Variants in HNRNPUL1 observed in about 807,000 individuals in gnomAD.
HNRNPUL1 encodes the protein heterogeneous nuclear ribonucleoprotein U-like protein 1.
HNRNPUL1 carries 14 observed loss-of-function variants against 108.5 expected under a neutral mutation model. The observed-to-expected ratio is 0.13, with a 90% confidence interval of 0.09 to 0.20. The LOEUF is 0.20. Among genes scored for constraint, HNRNPUL1 ranks in the 10% least tolerant of loss-of-function variants. HNRNPUL1 has a pLI of 1.00. For synonymous variants in HNRNPUL1, 422 were observed against 445.2 expected (o/e 0.95, Z 0.66); for missense variants, 804 against 1,168.3 (o/e 0.69, Z 4.55).
intron 4 of HNRNPUL1, among the ~76,000 whole-genome samples, chr19:41,275,788 G>A (rs892799183): frequency 6.6e-6 from 1 of 152,152 alleles, no homozygotes; most frequent in Non-Finnish European, 1.5e-5. Flanking sequence ...CCCTCTGCCT[G>A]CTTCTTTCTT....
At position 41,279,184 on chromosome 19, in the gene HNRNPUL1, G is replaced by C; in HGVS notation, c.886+8G>C. ...CCTGCAGCACCCAGCTAGGTAAGGAGGGGTCAGCTATGCAGTCCAGAGAAT... is the reference window on the plus strand; with the variant it reads ...CCTGCAGCACCCAGCTAGGTAAGGACGGGTCAGCTATGCAGTCCAGAGAAT... On this transcript the variant is annotated splice_region_variant and intron_variant, in intron 6 of 14. Transcript: ENST00000392006. 1 of 1,593,676 alleles carries C rather than the reference G, an allele frequency of 6.3e-7. No individual in the cohort carries two copies. The highest frequency in any genetic ancestry group is 8.6e-7 in the Non-Finnish European group (1 of 1,163,236).
chr19:41,271,899 C>G (rs2035262660), intron 2 of HNRNPUL1, among the ~76,000 whole-genome samples, 183 bp from the exon 3 acceptor site: 1 of 152,178 alleles, frequency 6.6e-6, no homozygotes, highest in Admixed American at 6.5e-5. Context: ...TAACCCTGTT[C>G]TCCAGTATGG....
rs2037511116 is a variant in HNRNPUL1 at position 41,305,821 on chromosome 19, C to G, written c.2408C>G (p.Pro803Arg). 6.2e-7 allele frequency: 1 copy of G among 1,610,582 alleles called. No homozygotes were observed. The highest frequency in any genetic ancestry group is 8.5e-7 in the Non-Finnish European group (1 of 1,177,770). The change falls in exon 14 of 15, where the codon CCC becomes CGC. Residue 803 changes from proline (P) to arginine (R), a missense_variant. Pro to Arg is a moderately radical substitution (Grantham distance 103, BLOSUM62 -2). Transcript: ENST00000392006. ...NPAPYTPPPPPTAQTYPQPSY... is the reference protein window; with the variant it reads ...NPAPYTPPPPRTAQTYPQPSY... Reference sequence around the variant, plus strand: ...GCCCCCTATACCCCACCGCCACCCCCCACTGCACAGACCTACCCTCAGCCC... The same window carrying G: ...GCCCCCTATACCCCACCGCCACCCCGCACTGCACAGACCTACCCTCAGCCC...
At chr19:41,304,852 A>G (rs919842383) in intron 13 of HNRNPUL1, among the ~76,000 whole-genome samples, 2 of 152,152 alleles carry the variant, frequency 1.3e-5, no homozygotes, top group Non-Finnish European at 2.9e-5. Flanking sequence ...CGGGCCTGGA[A>G]TCAGCTGCCA....
Position 41,292,582 on chromosome 19 carries a change from A to G in HNRNPUL1, c.1266+71A>G. ...AGAGGAGACACACACACACACACACACACAGACTTGCTGCGAGAGTAGCCT... is the reference window on the plus strand; with the variant it reads ...AGAGGAGACACACACACACACACACGCACAGACTTGCTGCGAGAGTAGCCT... On this transcript the variant is annotated intron_variant, in intron 8 of 14. Coordinates refer to ENST00000392006, the MANE Select transcript of HNRNPUL1 (RefSeq NM_007040.6). The surrounding 1 kb of genome is among the most constrained non-coding windows in gnomAD (Gnocchi z 4.1). The G allele has an allele frequency of 6.5e-7, 1 of 1,548,796 alleles. No homozygotes were observed. The highest frequency in any genetic ancestry group is 1.7e-5 in the Admixed American group (1 of 59,346).
intron 1 of HNRNPUL1, among the ~76,000 whole-genome samples, chr19:41,267,320 A>G (rs562987785): frequency 1.3e-5 from 2 of 152,328 alleles, no homozygotes; most frequent in Non-Finnish European, 1.5e-5. Context: ...CTGTGAACAC[A>G]GGAGAGAGAT....
At chr19:41,280,388 CA>C (rs374051752) in intron 6 of HNRNPUL1, among the ~76,000 whole-genome samples, 9,804 of 143,756 alleles carry the variant, frequency 0.068, 396 homozygotes, top group South Asian at 0.2. Context: ...ATGTTAGCAC[CA>C]AAAAAAAAAA....
At chr19:41,276,381 G>A (rs748399776) in intron 5 of HNRNPUL1, 83 bp downstream of exon 5, 1 of 1,453,610 alleles carries the variant, frequency 6.9e-7, no homozygotes, top group Non-Finnish European at 9.3e-7. Flanking sequence ...GGTCAGAGCT[G>A]CAACTGCAAA....
intron 7 of HNRNPUL1, among the ~76,000 whole-genome samples, chr19:41,290,140 G>T (rs748434237): frequency 6.6e-6 from 1 of 152,112 alleles, no homozygotes; most frequent in Non-Finnish European, 1.5e-5. Flanking sequence ...TGCTTCTGTC[G>T]CTTCTTGAAG....
intron 13 of HNRNPUL1, 144 bp downstream of exon 13, chr19:41,304,405 TC>T: frequency 7.1e-7 from 1 of 1,411,710 alleles, no homozygotes; most frequent in African/African-American, 1.4e-5. Flanking sequence ...CCCTTCTTTC[TC>T]CCTGGCCGTG....
At position 41,281,112 on chromosome 19, in the gene HNRNPUL1, CTGT is replaced by C. The variant is rs767618709; in HGVS notation, c.887-49_887-47del. 3 of 1,123,724 alleles carry C rather than the reference CTGT, an allele frequency of 2.7e-6. No homozygotes were observed. In the South Asian group the frequency reaches 3.7e-5, roughly 14 times the overall value. 69.6% of individuals were successfully genotyped at this position (1,123,724 alleles called of 1,614,324 possible). The stretch of plus-strand genomic sequence containing the variant: ...TAAAAGTATGTGGCAGCCATTGAGG[CTGT>C]TATGACCATCGCAGGTTTAACCTGC... On this transcript the variant is annotated intron_variant, in intron 6 of 14. Coordinates refer to ENST00000392006, the MANE Select transcript of HNRNPUL1 (RefSeq NM_007040.6).
intron 2 of HNRNPUL1, 41 bp downstream of exon 2, chr19:41,268,386 A>G (rs779489141): frequency 8.7e-6 from 14 of 1,603,300 alleles, no homozygotes; most frequent in Non-Finnish European, 1.2e-5. Context: ...GATGGAAACA[A>G]TCTACATGGA....
chr19:41,302,605 G>T, intron 11 of HNRNPUL1, 60 bp from the exon 12 acceptor site: 1 of 1,604,190 alleles, frequency 6.2e-7, no homozygotes, highest in South Asian at 1.1e-5. Context: ...GAGGGGACCA[G>T]ACTTCAGAAG....
chr19:41,284,021 T>C (rs1028208724), intron 7 of HNRNPUL1, among the ~76,000 whole-genome samples: 1 of 152,234 alleles, frequency 6.6e-6, no homozygotes, highest in Admixed American at 6.5e-5. Flanking sequence ...ACGTGAGCAG[T>C]TCTTTTCGGT....
At chr19:41,268,101 A>T (rs2034966738) in intron 1 of HNRNPUL1, 122 bp from the exon 2 acceptor site, 1 of 915,914 alleles carries the variant, frequency 1.1e-6, no homozygotes, top group Non-Finnish European at 1.6e-6. Context: ...ATGAATAGTT[A>T]ATATTATTAT....
At chr19:41,281,344 C>A in intron 7 of HNRNPUL1, 69 bp downstream of exon 7, 1 of 1,003,846 alleles carries the variant, frequency 1.0e-6, no homozygotes, top group Non-Finnish European at 1.6e-6. Context: ...TTTCAGGATA[C>A]CTCTATCCAT....
Position 41,281,253 on chromosome 19 carries a change from A to T in HNRNPUL1, c.977A>T (p.Asn326Ile). 1 of 1,613,936 alleles carries T rather than the reference A, an allele frequency of 6.2e-7. No individual in the cohort carries two copies. Among genetic ancestry groups the T allele is most frequent in the Non-Finnish European group, 8.5e-7 (1 of 1,179,840 alleles). The change falls in exon 7 of 15, where the codon AAC (asparagine) becomes ATC (isoleucine). Residue 326 changes from asparagine (N) to isoleucine (I), a missense_variant. Physicochemically the swap from Asn to Ile is moderately radical, Grantham distance 149. Coordinates refer to ENST00000392006, the MANE Select transcript of HNRNPUL1 (RefSeq NM_007040.6). ...FENYGDKFAE[N>I]DVIGCFADFE... ...AACTACGGAGACAAGTTTGCAGAGA[A>T]CGATGTGATTGGCTGCTTTGCGGTG...
intron 4 of HNRNPUL1, among the ~76,000 whole-genome samples, chr19:41,275,331 A>G (rs1057294888): frequency 3.9e-5 from 6 of 152,154 alleles, no homozygotes; most frequent in Non-Finnish European, 8.8e-5. Flanking sequence ...TACGAAAAAT[A>G]TAAAAATCAC....
chr19:41,289,476 G>T (rs1243439706), intron 7 of HNRNPUL1, among the ~76,000 whole-genome samples: 1 of 152,172 alleles, frequency 6.6e-6, no homozygotes, highest in Non-Finnish European at 1.5e-5. Context: ...AAAATGGCAG[G>T]CTCTGAATTA....
Sources: gnomAD v4.1 joint callset for allele counts (sites outside exome capture counted in the v4.1 genomes callset) on GRCh38, gnomAD v4.1.1 for gene constraint, Gnocchi (gnomAD v3.1) non-coding constraint, MANE v1.5 for transcripts, NCBI Gene and HGNC (gene_info 2026-07-23, HGNC 2026-07-21) for gene names.